The following NFIC variants were observed in gnomAD, a reference collection of about 807,000 sequenced individuals.
The protein encoded by NFIC is nuclear factor I C.
NFIC carries 12 observed loss-of-function variants against 54.4 expected under a neutral mutation model. The observed-to-expected ratio is 0.22, with a 90% CI of 0.14 to 0.36. NFIC has a LOEUF of 0.36. NFIC is among the 10% of genes least tolerant of loss of function. The pLI, the probability that NFIC is intolerant of heterozygous loss-of-function variation, is 1.00. For synonymous variants in NFIC, 322 were observed against 319.2 expected (o/e 1.01, Z -0.09); for missense variants, 575 against 718.2 (o/e 0.80, Z 2.28).
chr19:3,418,225 A>T (rs1222592010), intron 2 of NFIC, among the ~76,000 whole-genome samples: 1 of 150,906 alleles, frequency 6.6e-6, no homozygotes, highest in Non-Finnish European at 1.5e-5. Context: ...CAGCTCCCCG[A>T]GTAGCTGGAA....
chr19:3,442,502 T>A (rs1030904518), intron 6 of NFIC, among the ~76,000 whole-genome samples: 20 of 151,446 alleles, frequency 1.3e-4, no homozygotes, highest in African/African-American at 4.8e-4. Flanking sequence ...TGCTTCAGCC[T>A]CGCAAATAGC....
At position 3,370,402 on chromosome 19, in the gene NFIC, G is replaced by A. The variant is rs115431915; in HGVS notation, c.30+3736G>A. On this transcript the variant is annotated intron_variant, in intron 1 of 10. Coordinates refer to ENST00000443272, the MANE Select transcript of NFIC (RefSeq NM_001245002.2). This position sits in a 1 kb window ranked among gnomAD's most constrained non-coding sequence, Gnocchi z 5.2. ...CTGTTTCTCCCCCTCCCCTCTCTGCGGCGGAGGTGCCTCTGCGCGCCAGGG... is the reference window on the plus strand; with the variant it reads ...CTGTTTCTCCCCCTCCCCTCTCTGCAGCGGAGGTGCCTCTGCGCGCCAGGG... Among the ~76,000 whole-genome samples the A allele has an allele frequency of 5.0e-3, 757 of 151,792 alleles. 4 individuals are homozygous for A. Among genetic ancestry groups the A allele is most frequent in the African/African-American group, 0.018 (725 of 41,366 alleles).
chr19:3,437,887 A>C (rs1472337911), intron 6 of NFIC, among the ~76,000 whole-genome samples: 1 of 151,998 alleles, frequency 6.6e-6, no homozygotes, highest in African/African-American at 2.4e-5. Flanking sequence ...TATGTTGGCC[A>C]GGCTGGTCTT....
In NFIC at chr19:3,406,938, G is replaced by A. The variant is rs528039763; in HGVS notation, c.563-18168G>A. Reference sequence around the variant, plus strand: ...CGTGCAAAGGCCCTGAGGCAGGACCGTGCCTGGTGCATTGGTGGAACAGCC... The same window carrying A: ...CGTGCAAAGGCCCTGAGGCAGGACCATGCCTGGTGCATTGGTGGAACAGCC... On this transcript the variant is annotated intron_variant, in intron 2 of 10. Transcript: ENST00000443272. Among the ~76,000 whole-genome samples the A allele has an allele frequency of 5.3e-5, 8 of 151,788 alleles. No individual in the cohort carries two copies. In the East Asian group the frequency reaches 7.8e-4, roughly 15 times the overall value.
intron 3 of NFIC, among the ~76,000 whole-genome samples, chr19:3,429,274 A>C: frequency 7.0e-6 from 1 of 142,866 alleles, no homozygotes; most frequent in East Asian, 2.1e-4. Flanking sequence ...ACACACACAC[A>C]CACACACACA....
At chr19:3,456,469 GGCCACCCTCTCT>G (rs2082558001) in intron 9 of NFIC, 69 bp from the exon 10 acceptor site, 1 of 1,374,326 alleles carries the variant, frequency 7.3e-7, no homozygotes, top group Non-Finnish European at 1.0e-6. Context: ...GCCTGGCGGT[GGCCACCCTCTCT>G]GGGGCCAGGG....
intron 6 of NFIC, among the ~76,000 whole-genome samples, chr19:3,438,905 A>G (rs2082248407): frequency 6.6e-6 from 1 of 152,064 alleles, no homozygotes; most frequent in Non-Finnish European, 1.5e-5. Flanking sequence ...CCAGAGGAGG[A>G]GGCACAGAAG....
chr19:3,400,721 A>C (rs1210321558), intron 2 of NFIC, among the ~76,000 whole-genome samples: 1 of 151,244 alleles, frequency 6.6e-6, no homozygotes, highest in African/African-American at 2.4e-5. Flanking sequence ...ATGCGCCTGT[A>C]ATCCAGCCAC....
chr19:3,364,262 C>T (rs2080854292), upstream of NFIC, among the ~76,000 whole-genome samples: 1 of 152,066 alleles, frequency 6.6e-6, no homozygotes, highest in African/African-American at 2.4e-5. Flanking sequence ...CTACCAATTG[C>T]CTTTTTAAAG....
At chr19:3,394,254 G>A (rs931014936) in intron 2 of NFIC, among the ~76,000 whole-genome samples, 1 of 151,880 alleles carries the variant, frequency 6.6e-6, no homozygotes, top group Non-Finnish European at 1.5e-5. Context: ...TGAGGTGGGA[G>A]GATCACTTGA....
chr19:3,437,824 G>A (rs1033084788), intron 6 of NFIC, among the ~76,000 whole-genome samples: 6 of 151,604 alleles, frequency 4.0e-5, no homozygotes, highest in Admixed American at 2.6e-4. Flanking sequence ...GACTACAGGC[G>A]GGCACCACCA....
intron 2 of NFIC, among the ~76,000 whole-genome samples, chr19:3,394,514 T>TCCCCCCCCCCCCCC (rs199958298): frequency 4.0e-4 from 10 of 25,264 alleles, no homozygotes; most frequent in Admixed American, 5.1e-4. Flanking sequence ...TATGATCTTT[T>TCCCCCCCCCCCCCC]CCCCACCCAC....
At chr19:3,414,592 CTAAAATAAAATAAAATAAAA>C (rs150304662) in intron 2 of NFIC, among the ~76,000 whole-genome samples, 16,075 of 131,646 alleles carry the variant, frequency 0.12, 1,233 homozygotes, top group African/African-American at 0.22. Context: ...GAGACTGCAT[CTAAAATAAAATAAAATAAAA>C]TAAAATAAAA....
At chr19:3,434,243 T>C (rs1748358086) in intron 4 of NFIC, 34 bp from the exon 5 acceptor site, 1 of 1,593,328 alleles carries the variant, frequency 6.3e-7, no homozygotes, top group South Asian at 1.1e-5. Context: ...TGGGCACTGC[T>C]TCCTGCCTCA....
intron 6 of NFIC, among the ~76,000 whole-genome samples, chr19:3,445,859 A>G (rs8113197): frequency 0.095 from 14,463 of 152,044 alleles, 2,151 homozygotes; most frequent in African/African-American, 0.32. Flanking sequence ...CCAGCAGGAG[A>G]CCCAAGACAC....
chr19:3,439,921 T>C (rs10403386), intron 6 of NFIC, among the ~76,000 whole-genome samples: 72,065 of 150,684 alleles, frequency 0.48, 19,015 homozygotes, highest in East Asian at 0.75. Context: ...ATCTCCTGAC[T>C]TCGTGATCTG....
chr19:3,410,214 G>A (rs886919658), intron 2 of NFIC, among the ~76,000 whole-genome samples: 2 of 151,664 alleles, frequency 1.3e-5, no homozygotes, highest in Non-Finnish European at 2.9e-5. Context: ...CTTTTTTTTT[G>A]TATTTTTAAT....
chr19:3,363,982 G>C (rs2080851558), upstream of NFIC, among the ~76,000 whole-genome samples: 1 of 152,218 alleles, frequency 6.6e-6, no homozygotes, highest in Non-Finnish European at 1.5e-5. Context: ...TTACTCAGCT[G>C]CATAGTGTCC....
At chr19:3,424,108 A>G (rs1240254266) in intron 2 of NFIC, among the ~76,000 whole-genome samples, 1 of 151,564 alleles carries the variant, frequency 6.6e-6, no homozygotes, top group Non-Finnish European at 1.5e-5. Flanking sequence ...ACTTGCTGCA[A>G]CCTCTGCCTC....
Sources: allele counts gnomAD v4.1 joint callset (sites outside exome capture counted in the v4.1 genomes callset), GRCh38; gene constraint gnomAD v4.1.1; non-coding constraint Gnocchi (gnomAD v3.1); transcripts MANE v1.5; gene names NCBI Gene and HGNC (gene_info 2026-07-23, HGNC 2026-07-21).